Variants in DKK3 observed in about 807,000 individuals in gnomAD.
DKK3 encodes the protein dickkopf-related protein 3.
DKK3 carries 22 observed loss-of-function variants against 33.2 expected under a neutral mutation model. The observed-to-expected ratio is 0.66, with a 90% CI of 0.47 to 0.95. The LOEUF (loss-of-function observed/expected upper bound fraction) is 0.95, where lower values mean the gene tolerates loss of function less well. Ranked by LOEUF, DKK3 falls within the 40% of genes least tolerant of loss-of-function variation. DKK3 has a pLI of 0.00. For missense variants in DKK3, 398 were observed against 458.4 expected (o/e 0.87, Z 1.20); for synonymous variants, 194 against 188.8 (o/e 1.03, Z -0.23).
intron 4 of DKK3, 51 bp from the exon 5 acceptor site, chr11:11,967,149 C>T: frequency 6.3e-7 from 1 of 1,591,808 alleles, no homozygotes; most frequent in Non-Finnish European, 8.6e-7. Flanking sequence ...GACTGGGGGC[C>T]TGCTGAGAGC....
chr11:11,981,468 G>A (rs917308115), intron 3 of DKK3, among the ~76,000 whole-genome samples: 6 of 152,286 alleles, frequency 3.9e-5, no homozygotes, highest in South Asian at 2.1e-4. Context: ...CATAATAAAC[G>A]GTTGTTTTAT....
intron 3 of DKK3, among the ~76,000 whole-genome samples, chr11:11,992,610 G>A (rs1848210293): frequency 6.6e-6 from 1 of 152,174 alleles, no homozygotes; most frequent in Non-Finnish European, 1.5e-5. Context: ...CTTGGTATTT[G>A]CTCTTGGGCA....
At chr11:11,967,292 C>T (rs1472190) in intron 4 of DKK3, among the ~76,000 whole-genome samples, 194 bp from the exon 5 acceptor site, 54,715 of 152,090 alleles carry the variant, frequency 0.36, 11,715 homozygotes, top group Admixed American at 0.55. Context: ...GGGGTCAGAA[C>T]GCTGGAAAAA....
chr11:12,001,015 T>A (rs142306877), intron 2 of DKK3, among the ~76,000 whole-genome samples: 3 of 152,352 alleles, frequency 2.0e-5, no homozygotes, highest in Non-Finnish European at 4.4e-5. Context: ...ATTTCATAAA[T>A]GCAGTTAGTG....
chr11:11,975,308 G>T (rs1847810071), intron 3 of DKK3, among the ~76,000 whole-genome samples: 1 of 152,196 alleles, frequency 6.6e-6, no homozygotes, highest in African/African-American at 2.4e-5. Flanking sequence ...CAGTGGGGAG[G>T]TGCTGGTACA....
intron 2 of DKK3, among the ~76,000 whole-genome samples, chr11:11,999,607 G>A (rs1363434503): frequency 1.3e-5 from 2 of 152,056 alleles, no homozygotes; most frequent in African/African-American, 4.8e-5. Flanking sequence ...CAGCCTGGGC[G>A]ATAGAGTGAG....
intron 2 of DKK3, among the ~76,000 whole-genome samples, chr11:12,000,844 G>C (rs1848411475): frequency 2.0e-5 from 3 of 152,152 alleles, no homozygotes; most frequent in South Asian, 4.1e-4. Flanking sequence ...ATGAAGCCCA[G>C]TTGAGAACTA....
At chr11:11,994,788 C>G (rs1196129439) in intron 3 of DKK3, 1 of 152,202 alleles carries the variant, frequency 6.6e-6, no homozygotes, top group Non-Finnish European at 1.5e-5. Context: ...CTCCCACTTT[C>G]TCGCTTGGTC....
Position 11,966,944 on chromosome 11 carries a change from G to A in DKK3, c.673+10C>T, listed in dbSNP as rs1371767369. The stretch of plus-strand genomic sequence containing the variant: ...AGGGTTTTTCCTGCATCTGAGGGGA[G>A]GCCACTCACCTCTCTGGAAGGCACA... On this transcript the variant is annotated intron_variant, in intron 5 of 6. Coordinates refer to ENST00000683431, the MANE Select transcript of DKK3 (RefSeq NM_001018057.2). The A allele has an allele frequency of 2.5e-6, 4 of 1,612,942 alleles. No homozygotes were observed. Among genetic ancestry groups the A allele is most frequent in the Admixed American group, 1.7e-5 (1 of 59,938 alleles).
In DKK3 at chr11:11,963,360, A is replaced by G. The variant is rs963903880; in HGVS notation, c.*1104T>C. 1 of 152,472 alleles carries G rather than the reference A, an allele frequency of 6.6e-6. No homozygotes were observed. The highest frequency in any genetic ancestry group is 1.9e-4 in the East Asian group (1 of 5,182). 9.4% of individuals were successfully genotyped at this position (152,472 alleles called of 1,614,324 possible). On this transcript the variant is annotated 3_prime_UTR_variant, in exon 7 of 7. Coordinates refer to ENST00000683431, the MANE Select transcript of DKK3 (RefSeq NM_001018057.2). The stretch of plus-strand genomic sequence containing the variant: ...CGGTTTGATTTTCTCCACGTGGTTG[A>G]TAATTGTCTTCAGTTGCTGCTAAGT...
At chr11:12,009,682 A>G, upstream of DKK3, 2 of 985,266 alleles carry the variant, frequency 2.0e-6, no homozygotes, top group Non-Finnish European at 2.4e-6. Flanking sequence ...ATCCTCAGGA[A>G]AAATCCCAGC....
At chr11:11,980,211 C>T (rs562455829) in intron 3 of DKK3, among the ~76,000 whole-genome samples, 1 of 152,338 alleles carries the variant, frequency 6.6e-6, no homozygotes, top group East Asian at 1.9e-4. Flanking sequence ...TGGGGGTCCC[C>T]ACATGGAAAG....
At chr11:11,991,277 T>C (rs1848181739) in intron 3 of DKK3, among the ~76,000 whole-genome samples, 1 of 152,192 alleles carries the variant, frequency 6.6e-6, no homozygotes, top group Non-Finnish European at 1.5e-5. Context: ...CAGATATAGT[T>C]TGGATATTTG....
chr11:11,968,513 G>GC, intron 3 of DKK3, 26 bp from the exon 4 acceptor site: 1 of 1,606,394 alleles, frequency 6.2e-7, no homozygotes. Context: ...GGGAGCAGAT[G>GC]TGTCAATGGA....
At chr11:12,000,308 T>C (rs568334980) in intron 2 of DKK3, among the ~76,000 whole-genome samples, 2 of 151,938 alleles carry the variant, frequency 1.3e-5, no homozygotes, top group Non-Finnish European at 2.9e-5. Flanking sequence ...CAGGTTCAAG[T>C]GATTCTCCTG....
intron 1 of DKK3, among the ~76,000 whole-genome samples, chr11:12,007,281 T>A (rs1590563532): frequency 6.6e-6 from 1 of 152,208 alleles, no homozygotes; most frequent in East Asian, 1.9e-4. Context: ...ACAGCAGGGA[T>A]GTGAAGCCAG....
At chr11:11,968,239 C>T (rs1847645242) in intron 4 of DKK3, among the ~76,000 whole-genome samples, 156 bp downstream of exon 4, 1 of 152,166 alleles carries the variant, frequency 6.6e-6, no homozygotes, top group Non-Finnish European at 1.5e-5. Context: ...GTTCCTTGTC[C>T]TCCAGGAGTC....
At chr11:11,998,285 A>T in intron 3 of DKK3, 1 of 292,446 alleles carries the variant, frequency 3.4e-6, no homozygotes, top group Non-Finnish European at 6.5e-6. Context: ...TGGGCTCCAC[A>T]TAAGGTGTTC....
intron 3 of DKK3, among the ~76,000 whole-genome samples, chr11:11,970,329 G>A (rs1027963800): frequency 1.3e-5 from 2 of 152,164 alleles, no homozygotes; most frequent in Non-Finnish European, 2.9e-5. Flanking sequence ...GGGTATGAAC[G>A]GACAACTTAG....
Sources: gnomAD v4.1 joint callset for allele counts (sites outside exome capture counted in the v4.1 genomes callset) on GRCh38, gnomAD v4.1.1 for gene constraint, MANE v1.5 for transcripts, NCBI Gene and HGNC (gene_info 2026-07-23, HGNC 2026-07-21) for gene names.